The following ALKBH5 variants were observed in gnomAD, a reference collection of about 807,000 sequenced individuals.
ALKBH5 encodes the protein RNA demethylase ALKBH5.
ALKBH5 carries 2 observed loss-of-function variants against 32.1 expected under a neutral mutation model. The observed-to-expected ratio is 0.06, with a 90% CI of 0.03 to 0.20. The LOEUF is 0.20. ALKBH5 is among the 10% of genes least tolerant of loss of function. The pLI, the probability that ALKBH5 is intolerant of heterozygous loss-of-function variation, is 1.00. For missense variants in ALKBH5, 352 were observed against 559.5 expected, an observed-to-expected ratio of 0.63 and a Z score of 3.74; for synonymous variants, 300 against 231.7, an observed-to-expected ratio of 1.29 and a Z score of -2.68.
chr17:18,207,662 C>CAA (rs373133447), intron 3 of ALKBH5, among the ~76,000 whole-genome samples: 2 of 135,184 alleles, frequency 1.5e-5, no homozygotes, highest in Non-Finnish European at 3.2e-5. Flanking sequence ...GAATCCGTCT[C>CAA]AAAAAAAAAA....
At chr17:18,185,728 C>G (rs1262929174) in intron 1 of ALKBH5, among the ~76,000 whole-genome samples, 1 of 152,232 alleles carries the variant, frequency 6.6e-6, no homozygotes, top group Non-Finnish European at 1.5e-5. Context: ...AGCAGCAGAA[C>G]TTAGGCTTTT....
At position 18,184,385 on chromosome 17, in the gene ALKBH5, G is replaced by A. The variant is rs768757008; in HGVS notation, c.142G>A (p.Ala48Thr). The change falls in exon 1 of 4, where the codon GCC (alanine) becomes ACC (threonine). Residue 48 changes from alanine (A) to threonine (T), a missense_variant. By Grantham distance (58) the Ala-to-Thr change is moderately conservative. Around this residue, in one of 4 missense-constraint regions of ALKBH5, gnomAD observed 144 missense variants for 125.8 expected, o/e 1.14. Coordinates refer to ENST00000399138, the MANE Select transcript of ALKBH5 (RefSeq NM_017758.4). ...VAAAAAAAAAAEPYPVSGAKR... is the reference protein window; with the variant it reads ...VAAAAAAAAATEPYPVSGAKR... ...CGCCGCAGCCGCAGCCGCCGCTGCC[G>A]CCGAACCTTACCCTGTGTCCGGGGC... is the stretch of plus-strand genomic sequence containing the variant. 2.5e-5 allele frequency: 39 copies of A among 1,532,326 alleles called. 1 individual carries two copies. The highest frequency in any genetic ancestry group is 3.3e-5 in the Non-Finnish European group (38 of 1,141,490). The allele number at this position is 1,532,326 out of a possible 1,614,324, so 94.9% of individuals were successfully genotyped here.
chr17:18,201,836 GATGA>G (rs1197116958), intron 2 of ALKBH5, among the ~76,000 whole-genome samples: 1 of 69,822 alleles, frequency 1.4e-5, no homozygotes, highest in Non-Finnish European at 3.8e-5. Context: ...TAGATAGATA[GATGA>G]TAGATAGATT....
Position 18,184,195 on chromosome 17 carries a change from C to T in ALKBH5, c.-49C>T, listed in dbSNP as rs2047120459. 5 of 1,439,848 alleles carry T rather than the reference C, an allele frequency of 3.5e-6. No individual in the cohort carries two copies. In the African/African-American group the frequency reaches 6.0e-5, roughly 17 times the overall value. The allele number at this position is 1,439,848 out of a possible 1,614,324, so 89.2% of individuals were successfully genotyped here. On this transcript the variant is annotated 5_prime_UTR_variant, in exon 1 of 4. Transcript: ENST00000399138. The stretch of plus-strand genomic sequence containing the variant: ...GGGCGCGTCCCCTTAGAGCCATGCC[C>T]GGCTGCCCCGCCCGCCCCGGAGGAC...
At position 18,208,967 on chromosome 17, in the gene ALKBH5, T is replaced by C. The variant is rs559316149; in HGVS notation, c.*571T>C. 7.3e-5 allele frequency: 15 copies of C among 204,094 alleles called. No homozygotes were observed. The Admixed American group carries it at 7.5e-4, about 10-fold the overall frequency. The allele number at this position is 204,094 out of a possible 1,614,324, so 12.6% of individuals were successfully genotyped here. ...CTGCGGCAGAGTTGTTCAGGTTGCC[T>C]GGGCAGGGGCTTAAACAGTGCCAGC... On this transcript the variant is annotated 3_prime_UTR_variant, in exon 4 of 4. Coordinates refer to ENST00000399138, the MANE Select transcript of ALKBH5 (RefSeq NM_017758.4).
chr17:18,187,786 C>T (rs779022661), intron 1 of ALKBH5, among the ~76,000 whole-genome samples: 46 of 152,124 alleles, frequency 3.0e-4, no homozygotes, highest in Non-Finnish European at 5.6e-4. Context: ...AGGTGATGAG[C>T]AGTAAAGCTG....
At chr17:18,199,218 C>T (rs2047221843) in intron 2 of ALKBH5, among the ~76,000 whole-genome samples, 1 of 152,196 alleles carries the variant, frequency 6.6e-6, no homozygotes, top group South Asian at 2.1e-4. Flanking sequence ...CCAAACTTCC[C>T]TGAATGTTAC....
At position 18,196,749 on chromosome 17, in the gene ALKBH5, A is replaced by G. The variant is rs899755672; in HGVS notation, c.851+1714A>G. Among the ~76,000 whole-genome samples the G allele has an allele frequency of 1.6e-4, 24 of 152,334 alleles. 1 individual carries two copies. The highest frequency in any genetic ancestry group is 3.4e-3 in the Middle Eastern group (1 of 294). On this transcript the variant is annotated intron_variant, in intron 2 of 3. Transcript: ENST00000399138. Reference sequence around the variant, plus strand: ...CCTTGTCCATACTGTACCCTTAGGAAGGAAGTCACCATGCATGCCCACAGT... The same window carrying G: ...CCTTGTCCATACTGTACCCTTAGGAGGGAAGTCACCATGCATGCCCACAGT...
Position 18,184,768 on chromosome 17 carries a change from G to A in ALKBH5, c.525G>A (p.Lys175=). The change falls in exon 1 of 4, where the codon AAG becomes AAA. Residue 175 remains lysine, a synonymous_variant. Coordinates refer to ENST00000399138, the MANE Select transcript of ALKBH5 (RefSeq NM_017758.4). ...GGGTGCACCAGCTGGTGATCCAAAAGCTGGTGGAGCACCGCGTCATCCCCG... is the reference window on the plus strand; with the variant it reads ...GGGTGCACCAGCTGGTGATCCAAAAACTGGTGGAGCACCGCGTCATCCCCG... The part of the protein sequence containing the change: ...PEWVHQLVIQ[K]LVEHRVIPEG... 1.2e-6 allele frequency: 2 copies of A among 1,613,884 alleles called. No individual in the cohort carries two copies. Among genetic ancestry groups the A allele is most frequent in the Non-Finnish European group, 1.7e-6 (2 of 1,179,972 alleles).
intron 3 of ALKBH5, 113 bp downstream of exon 3, chr17:18,207,083 A>G (rs1567677839): frequency 1.4e-6 from 2 of 1,387,776 alleles, no homozygotes; most frequent in Non-Finnish European, 2.0e-6. Context: ...CACCCTTTCA[A>G]AACCTTATGT....
At chr17:18,194,804 A>C in intron 1 of ALKBH5, 151 bp from the exon 2 acceptor site, 1 of 608,500 alleles carries the variant, frequency 1.6e-6, no homozygotes, top group South Asian at 2.1e-5. Context: ...ACTTAATATG[A>C]TATTCCCTTC....
chr17:18,208,131 C>A, intron 3 of ALKBH5, 88 bp from the exon 4 acceptor site: 1 of 1,411,190 alleles, frequency 7.1e-7, no homozygotes, highest in Non-Finnish European at 9.6e-7. Flanking sequence ...TGAAGTGACC[C>A]ATCCCAAGGA....
chr17:18,193,302 C>T (rs1307457698), intron 1 of ALKBH5, among the ~76,000 whole-genome samples: 3 of 151,882 alleles, frequency 2.0e-5, no homozygotes, highest in Admixed American at 1.3e-4. Flanking sequence ...AATCCCAGCA[C>T]TTTGGGAGGC....
chr17:18,199,153 G>A (rs1354864241), intron 2 of ALKBH5, among the ~76,000 whole-genome samples: 1 of 152,218 alleles, frequency 6.6e-6, no homozygotes, highest in African/African-American at 2.4e-5. Context: ...TCTACAGAGA[G>A]TGGGGTGAGG....
Position 18,206,898 on chromosome 17 carries a change from C to T in ALKBH5, c.935C>T (p.Ser312Leu), listed in dbSNP as rs1277969333. 1.2e-6 allele frequency: 2 copies of T among 1,614,140 alleles called. No individual in the cohort carries two copies. The highest frequency in any genetic ancestry group is 3.3e-5 in the Admixed American group (2 of 60,008). ...CCCAGCTATGCTTCAGATCGCCTGT[C>T]AGGAAACAACAGGGACCCTGCTCTG... ...LPPSYASDRL[S>L]GNNRDPALKP... The change falls in exon 3 of 4, where the codon TCA becomes TTA. Residue 312 changes from serine to leucine, a missense_variant. Ser to Leu is a moderately radical substitution (Grantham distance 145). Around this residue, in one of 4 missense-constraint regions of ALKBH5, gnomAD observed 124 missense variants for 142.4 expected, o/e 0.87. Coordinates refer to ENST00000399138, the MANE Select transcript of ALKBH5 (RefSeq NM_017758.4).
chr17:18,187,138 G>A (rs2047144204), intron 1 of ALKBH5, among the ~76,000 whole-genome samples: 1 of 152,090 alleles, frequency 6.6e-6, no homozygotes, highest in African/African-American at 2.4e-5. Flanking sequence ...TATAGCCCAG[G>A]AAGGTAACTG....
chr17:18,189,733 G>T (rs2047162381), intron 1 of ALKBH5, among the ~76,000 whole-genome samples: 1 of 152,214 alleles, frequency 6.6e-6, no homozygotes, highest in South Asian at 2.1e-4. Context: ...CCAGTCTAAT[G>T]ATGCTATAGA....
chr17:18,197,711 G>A (rs1597839517), intron 2 of ALKBH5, among the ~76,000 whole-genome samples: 1 of 152,190 alleles, frequency 6.6e-6, no homozygotes, highest in African/African-American at 2.4e-5. Context: ...AGCTCCCTGG[G>A]AAGCTTTTCA....
At chr17:18,188,073 G>A (rs560412952) in intron 1 of ALKBH5, among the ~76,000 whole-genome samples, 10 of 152,196 alleles carry the variant, frequency 6.6e-5, no homozygotes, top group African/African-American at 2.2e-4. Context: ...AAACCTAGTC[G>A]TCAGTTGTTT....
Sources: allele counts gnomAD v4.1 joint callset (sites outside exome capture counted in the v4.1 genomes callset), GRCh38; gene constraint gnomAD v4.1.1; regional missense constraint gnomAD v4.1.1; transcripts MANE v1.5; gene names NCBI Gene and HGNC (gene_info 2026-07-23, HGNC 2026-07-21).